Variants in HIGD1C observed in about 807,000 individuals in gnomAD.
The protein encoded by HIGD1C is HIG1 hypoxia inducible domain family member 1C, also known as HIG1 domain family member 1C.
In HIGD1C, 11 loss-of-function variants were observed where a neutral mutation model predicts 13.1. The ratio of observed to expected loss-of-function variants is 0.84; its 90% confidence interval spans 0.53 to 1.39. The LOEUF is 1.39. Among genes scored for constraint, HIGD1C ranks in the 40% most tolerant of loss-of-function variants. HIGD1C has a pLI of 0.00. For missense variants in HIGD1C, 110 were observed against 112.0 expected, an observed-to-expected ratio of 0.98 and a Z score of 0.08; for synonymous variants, 36 against 37.7, an observed-to-expected ratio of 0.95 and a Z score of 0.17.
chr12:50,935,497 G>A, the HIGD1C span: 1 of 152,044 alleles, frequency 6.6e-6, no homozygotes, highest in East Asian at 1.9e-4. Context: ...TTTTTGTTTT[G>A]TTGTTTTTTG....
upstream of HIGD1C, among the ~76,000 whole-genome samples, chr12:50,950,734 T>G (rs1358446730): frequency 7.0e-6 from 1 of 143,614 alleles, no homozygotes; most frequent in African/African-American, 2.6e-5. Flanking sequence ...TGGAGTGCAG[T>G]GGTGCCATCT....
chr12:50,932,137 T>C, the HIGD1C span: 1 of 152,218 alleles, frequency 6.6e-6, no homozygotes, highest in Non-Finnish European at 1.5e-5. Flanking sequence ...TTGCTGAATA[T>C]TGTAGATTGT....
intron 1 of HIGD1C, among the ~76,000 whole-genome samples, chr12:50,958,148 T>C (rs908689804): frequency 6.6e-6 from 1 of 151,966 alleles, no homozygotes; most frequent in Non-Finnish European, 1.5e-5. Flanking sequence ...GGTAAAGATG[T>C]CAATTCTCCC....
At chr12:50,971,454 T>C (rs1939758818), downstream of HIGD1C, among the ~76,000 whole-genome samples, 1 of 152,196 alleles carries the variant, frequency 6.6e-6, no homozygotes, top group Non-Finnish European at 1.5e-5. Context: ...AATACAAAGG[T>C]AAACTGCAAA....
At chr12:50,932,828 GAA>G in the HIGD1C span, among the ~76,000 whole-genome samples, 8 of 152,190 alleles carry the variant, frequency 5.3e-5, no homozygotes, top group African/African-American at 1.9e-4. Flanking sequence ...TCTTGAACGT[GAA>G]AAGTTATTGA....
At chr12:50,964,845 T>C (rs1469795629) in intron 2 of HIGD1C, among the ~76,000 whole-genome samples, 1 of 152,230 alleles carries the variant, frequency 6.6e-6, no homozygotes, top group Non-Finnish European at 1.5e-5. Flanking sequence ...TTCTGCCAAA[T>C]AGGCAAACTA....
rs1171147408 is a variant in HIGD1C, at chr12:50,954,064, A to AC, written c.66_67insC (p.Ser23LeufsTer2). 1.9e-6 allele frequency: 3 copies of AC among 1,612,334 alleles called. No individual in the cohort carries two copies. The highest frequency in any genetic ancestry group is 2.5e-6 in the Non-Finnish European group (3 of 1,178,430). On this transcript the variant is annotated frameshift_variant, in exon 1 of 3. Transcript: ENST00000398455. LOFTEE classifies it high-confidence loss of function. ...GCCAATTATCCCGACTAATCAGGAA[A>AC]TCTAGAGACTCCCCCTTTGTCCCTA... is the stretch of plus-strand genomic sequence containing the variant.
chr12:50,943,777 T>C, the HIGD1C span, among the ~76,000 whole-genome samples: 6 of 152,106 alleles, frequency 3.9e-5, no homozygotes, highest in African/African-American at 1.4e-4. Flanking sequence ...GCTTCTATCC[T>C]CTCACCTTTC....
chr12:50,939,909 T>C, the HIGD1C span: 1 of 128,828 alleles, frequency 7.8e-6, no homozygotes, highest in Non-Finnish European at 1.5e-5. Context: ...TCCAATCATC[T>C]GGATTTTTTT....
chr12:50,932,559 G>C, the HIGD1C span: 1 of 152,104 alleles, frequency 6.6e-6, no homozygotes, highest in Non-Finnish European at 1.5e-5. Context: ...ATGTCTCTGG[G>C]AGGCTTATTC....
upstream of HIGD1C, among the ~76,000 whole-genome samples, chr12:50,952,380 A>C (rs967196219): frequency 1.3e-5 from 2 of 152,190 alleles, no homozygotes; most frequent in Non-Finnish European, 2.9e-5. Context: ...GAAATTATTT[A>C]AACATTAAGT....
chr12:50,937,494 C>T, the HIGD1C span, among the ~76,000 whole-genome samples: 7 of 152,154 alleles, frequency 4.6e-5, no homozygotes, highest in African/African-American at 1.2e-4. Context: ...CCAGAAGGGC[C>T]GCAGCTTTTC....
the HIGD1C span, among the ~76,000 whole-genome samples, chr12:50,943,642 G>A: frequency 2.6e-5 from 4 of 152,060 alleles, no homozygotes; most frequent in South Asian, 2.1e-4. Context: ...CCCTGGGGGC[G>A]GAGCCTGCAG....
intron 2 of HIGD1C, among the ~76,000 whole-genome samples, chr12:50,967,340 T>A (rs1939579554): frequency 6.6e-6 from 1 of 152,070 alleles, no homozygotes; most frequent in South Asian, 2.1e-4. Flanking sequence ...AGAGGTGGGA[T>A]CTCCCTATGT....
At chr12:50,937,899 T>A in the HIGD1C span, among the ~76,000 whole-genome samples, 1 of 152,202 alleles carries the variant, frequency 6.6e-6, no homozygotes, top group African/African-American at 2.4e-5. Context: ...AGGAAGTGCA[T>A]GCTGATGGGT....
chr12:50,964,135 C>A (rs319931), intron 2 of HIGD1C, among the ~76,000 whole-genome samples: 72,386 of 151,976 alleles, frequency 0.48, 18,219 homozygotes, highest in South Asian at 0.65. Context: ...GGTAAATGGA[C>A]GTGGGGAATA....
chr12:50,971,219 C>T (rs901864993), downstream of HIGD1C, among the ~76,000 whole-genome samples: 1 of 152,084 alleles, frequency 6.6e-6, no homozygotes, highest in African/African-American at 2.4e-5. Flanking sequence ...ACACCCTATC[C>T]ATGTCTTAAT....
intron 1 of HIGD1C, among the ~76,000 whole-genome samples, chr12:50,959,954 ATC>A (rs1422793984): frequency 3.3e-5 from 5 of 152,142 alleles, no homozygotes; most frequent in African/African-American, 1.2e-4. Context: ...CTGGCCCAGT[ATC>A]TGTTATCTGG....
At chr12:50,968,289 G>A (rs1939621607) in intron 2 of HIGD1C, among the ~76,000 whole-genome samples, 1 of 152,208 alleles carries the variant, frequency 6.6e-6, no homozygotes, top group African/African-American at 2.4e-5. Context: ...ACTGGAATCT[G>A]CAAGGATGAA....
Sources: gnomAD v4.1 joint callset for allele counts (sites outside exome capture counted in the v4.1 genomes callset) on GRCh38, gnomAD v4.1.1 for gene constraint, MANE v1.5 for transcripts, NCBI Gene and HGNC (gene_info 2026-07-23, HGNC 2026-07-21) for gene names.